Variants in PELI2 observed in about 807,000 individuals in gnomAD.
PELI2 encodes E3 ubiquitin-protein ligase pellino homolog 2.
A neutral mutation model predicts 42.3 loss-of-function variants in PELI2; 23 were observed. The observed-to-expected ratio is 0.54, with a 90% CI of 0.39 to 0.77. PELI2 has a LOEUF of 0.77. PELI2 is among the 30% of genes least tolerant of loss of function. The pLI, the probability that PELI2 is intolerant of heterozygous loss-of-function variation, is 0.00. For synonymous variants in PELI2, 245 were observed against 212.2 expected, an observed-to-expected ratio of 1.15 and a Z score of -1.34; for missense variants, 463 against 553.2, an observed-to-expected ratio of 0.84 and a Z score of 1.64.
At chr14:56,283,364 ACAATGACTGCTAATACAGT>A (rs1446529891) in intron 3 of PELI2, among the ~76,000 whole-genome samples, 1 of 152,250 alleles carries the variant, frequency 6.6e-6, no homozygotes, top group Non-Finnish European at 1.5e-5. Flanking sequence ...AATGAAAAAT[ACAATGACTGCTAATACAGT>A]TTGGTGCCAC....
At chr14:56,169,629 A>T (rs1479923297) in intron 1 of PELI2, among the ~76,000 whole-genome samples, 3 of 152,182 alleles carry the variant, frequency 2.0e-5, no homozygotes, top group Non-Finnish European at 4.4e-5. Flanking sequence ...TCTTTCAGTG[A>T]TAATGAAGTT....
intron 5 of PELI2, among the ~76,000 whole-genome samples, chr14:56,293,976 C>G (rs957306802): frequency 6.6e-6 from 1 of 152,102 alleles, no homozygotes; most frequent in African/African-American, 2.4e-5. Context: ...TGAGAATTGC[C>G]TGTGGTCAGC....
chr14:56,292,136 C>T (rs1367463692), intron 5 of PELI2, among the ~76,000 whole-genome samples: 2 of 152,130 alleles, frequency 1.3e-5, no homozygotes, highest in African/African-American at 2.4e-5. Context: ...CTGAAAAGAA[C>T]GAACTCCAAA....
intron 2 of PELI2, among the ~76,000 whole-genome samples, chr14:56,244,885 C>T (rs1157640143): frequency 6.6e-6 from 1 of 152,168 alleles, no homozygotes; most frequent in Non-Finnish European, 1.5e-5. Flanking sequence ...CTGAATCTGT[C>T]TCTTCCTGGT....
chr14:56,289,691 G>A (rs1396410587), intron 4 of PELI2, among the ~76,000 whole-genome samples: 1 of 151,696 alleles, frequency 6.6e-6, no homozygotes, highest in African/African-American at 2.4e-5. Context: ...TGTGGCACAA[G>A]CACCCAAGAG....
Position 56,296,561 on chromosome 14 carries a change from T to A in PELI2, c.697-39T>A, listed in dbSNP as rs750123249. ...AAGAATCTTGGAGTGATTTGCTTGA[T>A]TTTGCTTTTAAAAGGCATGTGTCTC... is the stretch of plus-strand genomic sequence containing the variant. On this transcript the variant is annotated intron_variant, in intron 5 of 5. Coordinates refer to ENST00000267460, the MANE Select transcript of PELI2 (RefSeq NM_021255.3). The A allele has an allele frequency of 9.6e-6, 13 of 1,355,122 alleles. No individual in the cohort carries two copies. In the African/African-American group the frequency reaches 1.9e-4, roughly 20 times the overall value. The allele number at this position is 1,355,122 out of a possible 1,614,324, so 83.9% of individuals were successfully genotyped here. A position where few individuals can be genotyped will look rare whatever the true frequency, so the allele number is the denominator to read the frequency against.
chr14:56,119,561 A>G (rs1337929574), intron 1 of PELI2, among the ~76,000 whole-genome samples: 1 of 152,178 alleles, frequency 6.6e-6, no homozygotes. Context: ...GATAGTAATT[A>G]TGTACAATCG....
chr14:56,277,014 A>G (rs1306120102), intron 2 of PELI2, among the ~76,000 whole-genome samples: 1 of 152,184 alleles, frequency 6.6e-6, no homozygotes, highest in Non-Finnish European at 1.5e-5. Flanking sequence ...ATAGTCTTAT[A>G]GTTTGGGTCA....
chr14:56,255,289 T>C (rs1888487636), intron 2 of PELI2, among the ~76,000 whole-genome samples: 1 of 152,156 alleles, frequency 6.6e-6, no homozygotes, highest in Admixed American at 6.5e-5. Context: ...ATATACACCA[T>C]AGAATACTAT....
intron 2 of PELI2, among the ~76,000 whole-genome samples, chr14:56,221,629 G>C (rs923845741): frequency 2.6e-5 from 4 of 152,308 alleles, no homozygotes; most frequent in Admixed American, 2.6e-4. Context: ...CCAGCATACT[G>C]TTTTAAGAGT....
intron 2 of PELI2, among the ~76,000 whole-genome samples, chr14:56,204,016 G>A (rs1428855380): frequency 2.0e-5 from 3 of 152,332 alleles, no homozygotes; most frequent in Middle Eastern, 6.8e-3. Context: ...CTGCCTCTGG[G>A]AGGGGTCAGG....
chr14:56,192,708 G>C (rs912351291), intron 2 of PELI2, among the ~76,000 whole-genome samples: 1 of 152,222 alleles, frequency 6.6e-6, no homozygotes, highest in Non-Finnish European at 1.5e-5. Flanking sequence ...TTTTCTCATC[G>C]CTCACGTTGG....
At position 56,176,081 on chromosome 14, in the gene PELI2, T is replaced by A. The variant is rs58443437; in HGVS notation, c.78-2254T>A. On this transcript the variant is annotated intron_variant, in intron 1 of 5. Coordinates refer to ENST00000267460, the MANE Select transcript of PELI2 (RefSeq NM_021255.3). ...ATGTTATTGGCCAGGTTGAGTCAGA[T>A]GTCAGCCTCTGGCCAGTCAGCCCCA... is the stretch of plus-strand genomic sequence containing the variant. Among the ~76,000 whole-genome samples the A allele has an allele frequency of 6.1e-3, 931 of 152,344 alleles. 10 individuals carry two copies. The highest frequency in any genetic ancestry group is 0.021 in the African/African-American group (891 of 41,582).
At chr14:56,292,603 T>C (rs1889868136) in intron 5 of PELI2, 1 of 163,704 alleles carries the variant, frequency 6.1e-6, no homozygotes, top group African/African-American at 2.4e-5. Context: ...AGTAGTCACA[T>C]TGTGGAGCTA....
chr14:56,205,306 G>A (rs531287885), intron 2 of PELI2, among the ~76,000 whole-genome samples: 1 of 152,180 alleles, frequency 6.6e-6, no homozygotes, highest in East Asian at 1.9e-4. Flanking sequence ...AGATCAAAGA[G>A]TGATACTGGT....
intron 2 of PELI2, among the ~76,000 whole-genome samples, chr14:56,181,639 G>A (rs1361965507): frequency 2.0e-5 from 3 of 152,160 alleles, no homozygotes; most frequent in Admixed American, 6.5e-5. Context: ...TCTGGGGGCA[G>A]AACAGGGATA....
Position 56,296,764 on chromosome 14 carries a change from G to A in PELI2, c.861G>A (p.Gly287=). 1 of 1,614,142 alleles carries A rather than the reference G, an allele frequency of 6.2e-7. No individual in the cohort carries two copies. The highest frequency in any genetic ancestry group is 2.2e-5 in the East Asian group (1 of 44,856). The change falls in exon 6 of 6, where the codon GGG becomes GGA. Residue 287 remains glycine (G), a synonymous_variant. Coordinates refer to ENST00000267460, the MANE Select transcript of PELI2 (RefSeq NM_021255.3). The part of the protein sequence containing the change: ...INAARPQCPV[G]LNTLAFPSIN... ...CCGCCCGGCCTCAGTGTCCTGTGGG[G>A]CTCAACACCCTGGCCTTCCCCAGCA...
chr14:56,125,831 T>G (rs932829321), intron 1 of PELI2, among the ~76,000 whole-genome samples: 1 of 152,156 alleles, frequency 6.6e-6, no homozygotes. Flanking sequence ...CTTGGAATGC[T>G]GGGCTTCCCT....
intron 1 of PELI2, among the ~76,000 whole-genome samples, chr14:56,124,127 C>T (rs1883161740): frequency 6.6e-6 from 1 of 152,210 alleles, no homozygotes. Context: ...AGCTTATTGT[C>T]ACCTTCATCT....
Sources: allele counts gnomAD v4.1 joint callset (sites outside exome capture counted in the v4.1 genomes callset), GRCh38; gene constraint gnomAD v4.1.1; transcripts MANE v1.5; gene names NCBI Gene and HGNC (gene_info 2026-07-23, HGNC 2026-07-21).